The following RGSL1 variants were observed in gnomAD, a reference collection of about 807,000 sequenced individuals.
RGSL1 encodes regulator of G protein signaling protein-like.
RGSL1 carries 97 observed loss-of-function variants against 124.7 expected under a neutral mutation model. That is an observed-to-expected ratio of 0.78 (90% CI 0.66 to 0.92). RGSL1 has a LOEUF of 0.92. RGSL1 is among the 40% of genes least tolerant of loss of function. The probability of loss-of-function intolerance (pLI) is 0.00; values close to 1 mark genes in which losing one functional copy is unlikely to be tolerated. For missense variants in RGSL1, 1,233 were observed against 1,288.4 expected (o/e 0.96, Z 0.66); for synonymous variants, 424 against 438.1 (o/e 0.97, Z 0.40).
chr1:182,456,363 C>G (rs1046982078), intron 2 of RGSL1, among the ~76,000 whole-genome samples: 12 of 150,886 alleles, frequency 8.0e-5, no homozygotes. Flanking sequence ...GTGGCACAAT[C>G]TCATCTCACT....
intron 6 of RGSL1, among the ~76,000 whole-genome samples, chr1:182,477,725 A>G (rs761693253): frequency 4.6e-5 from 7 of 152,118 alleles, no homozygotes; most frequent in Non-Finnish European, 1.0e-4. Context: ...TCACCCACCC[A>G]TAGACATAAT....
chr1:182,497,340 T>TATAATATATATATATATA (rs1656003836), intron 9 of RGSL1, among the ~76,000 whole-genome samples: 1 of 147,000 alleles, frequency 6.8e-6, no homozygotes, highest in African/African-American at 2.5e-5. Context: ...ATATATATAT[T>TATAATATATATATATATA]TTTATATCTC....
At chr1:182,468,010 T>C (rs1043479640) in intron 4 of RGSL1, among the ~76,000 whole-genome samples, 1 of 152,090 alleles carries the variant, frequency 6.6e-6, no homozygotes, top group Non-Finnish European at 1.5e-5. Flanking sequence ...AAAGACAACA[T>C]GAAAAAATGC....
chr1:182,450,046 A>C, upstream of RGSL1: 1 of 1,184,776 alleles, frequency 8.4e-7, no homozygotes, highest in South Asian at 1.3e-5. Context: ...GATCACTGCC[A>C]GATAGAATCT....
At chr1:182,539,191 G>A (rs1473833105) in intron 14 of RGSL1, among the ~76,000 whole-genome samples, 1 of 152,160 alleles carries the variant, frequency 6.6e-6, no homozygotes, top group African/African-American at 2.4e-5. Flanking sequence ...AGCATCCCAT[G>A]GCTTCCAGGT....
intron 7 of RGSL1, chr1:182,488,725 C>CAAAAAAAAAAAAAAAAA (rs561296385): frequency 1.0e-5 from 1 of 99,098 alleles, no homozygotes; most frequent in African/African-American, 5.7e-5. Context: ...GACTCCGTCT[C>CAAAAAAAAAAAAAAAAA]AAAAAAAAAA....
intron 15 of RGSL1, among the ~76,000 whole-genome samples, chr1:182,547,045 T>A (rs913939546): frequency 6.6e-6 from 1 of 152,230 alleles, no homozygotes; most frequent in Non-Finnish European, 1.5e-5. Context: ...TAAGAGATCT[T>A]CTACTCACCC....
intron 14 of RGSL1, among the ~76,000 whole-genome samples, chr1:182,539,320 T>G (rs183683664): frequency 8.5e-5 from 13 of 152,274 alleles, no homozygotes; most frequent in Admixed American, 6.5e-4. Flanking sequence ...GATTGAAAGA[T>G]AGTAGGAAAG....
chr1:182,494,585 C>T (rs755447453), intron 9 of RGSL1, among the ~76,000 whole-genome samples: 2 of 152,092 alleles, frequency 1.3e-5, no homozygotes, highest in Admixed American at 6.6e-5. Context: ...CCTACAGAAC[C>T]TAAAGGTATA....
At chr1:182,532,588 T>G (rs1275066317) in intron 13 of RGSL1, 74 bp from the exon 14 acceptor site, 1 of 1,447,692 alleles carries the variant, frequency 6.9e-7, no homozygotes, top group Non-Finnish European at 9.3e-7. Context: ...AATACCAAGT[T>G]TTGGCACACA....
chr1:182,471,641 TG>T (rs1232667208), intron 4 of RGSL1, among the ~76,000 whole-genome samples: 1 of 152,164 alleles, frequency 6.6e-6, no homozygotes, highest in African/African-American at 2.4e-5. Context: ...GCCACTGGCC[TG>T]GTAGGTTGGG....
At chr1:182,543,643 TG>T (rs1428207562) in intron 15 of RGSL1, among the ~76,000 whole-genome samples, 1 of 152,108 alleles carries the variant, frequency 6.6e-6, no homozygotes, top group African/African-American at 2.4e-5. Context: ...TTTAAATTTT[TG>T]GTAGAATTAA....
At chr1:182,479,435 A>G (rs1429634967) in intron 6 of RGSL1, among the ~76,000 whole-genome samples, 1 of 152,202 alleles carries the variant, frequency 6.6e-6, no homozygotes, top group African/African-American at 2.4e-5. Context: ...TCAGCTTAAA[A>G]CAGATTTATG....
chr1:182,501,668 G>A (rs1656395613), intron 9 of RGSL1, among the ~76,000 whole-genome samples: 1 of 151,988 alleles, frequency 6.6e-6, no homozygotes, highest in African/African-American at 2.4e-5. Context: ...TGTTCACGTT[G>A]TATTGAGGAT....
intron 9 of RGSL1, among the ~76,000 whole-genome samples, chr1:182,506,983 C>CTT (rs71127304): frequency 6.2e-3 from 615 of 99,328 alleles, no homozygotes; most frequent in African/African-American, 0.017. Context: ...GCTCACCTTT[C>CTT]TTTTTTTTTT....
chr1:182,474,606 C>A, intron 6 of RGSL1, 64 bp downstream of exon 6: 1 of 1,469,128 alleles, frequency 6.8e-7, no homozygotes, highest in Non-Finnish European at 9.0e-7. Flanking sequence ...ACTAAAAATC[C>A]CATCTGGTCA....
chr1:182,474,290 G>A lies in RGSL1; in HGVS notation c.1179G>A (p.Leu393=). The change falls in exon 6 of 22, where the codon TTG becomes TTA. Residue 393 remains leucine, a synonymous_variant. Coordinates refer to ENST00000294854, the MANE Select transcript of RGSL1 (RefSeq NM_001137669.2). ...GGGACCACCTGAAGAAGCTGAATTT[G>A]AAAGTGGAGATCCAACTTCTTGACC... ...PFRDHLKKLN[L]KVEIQLLDLW... The A allele has an allele frequency of 6.4e-7, 1 of 1,551,790 alleles. No individual in the cohort carries two copies. The highest frequency in any genetic ancestry group is 8.7e-7 in the Non-Finnish European group (1 of 1,147,006).
intron 8 of RGSL1, among the ~76,000 whole-genome samples, chr1:182,491,814 A>C (rs944996696): frequency 6.6e-6 from 1 of 151,868 alleles, no homozygotes; most frequent in African/African-American, 2.4e-5. Flanking sequence ...GTGCATTTAG[A>C]TATACTCTAA....
intron 6 of RGSL1, among the ~76,000 whole-genome samples, chr1:182,476,516 C>T (rs981919241): frequency 6.6e-6 from 1 of 152,212 alleles, no homozygotes; most frequent in African/African-American, 2.4e-5. Context: ...GCCCTGTCCT[C>T]TCACCTGTAA....
Sources: gnomAD v4.1 joint callset for allele counts (sites outside exome capture counted in the v4.1 genomes callset) on GRCh38, gnomAD v4.1.1 for gene constraint, MANE v1.5 for transcripts, NCBI Gene and HGNC (gene_info 2026-07-23, HGNC 2026-07-21) for gene names.